The following CRPPA variants were observed in gnomAD, a reference collection of about 807,000 sequenced individuals.
CRPPA encodes D-ribitol-5-phosphate cytidylyltransferase.
In CRPPA, 43 loss-of-function variants were observed where a neutral mutation model predicts 52.0. That is an observed-to-expected ratio of 0.83 (90% CI 0.65 to 1.07). The LOEUF (loss-of-function observed/expected upper bound fraction) is 1.07, where lower values mean the gene tolerates loss of function less well. Ranked by LOEUF, CRPPA falls within the 50% of genes least tolerant of loss-of-function variation. The pLI is 0.00. For missense variants in CRPPA, 629 were observed against 551.7 expected (o/e 1.14, Z -1.40); for synonymous variants, 250 against 203.5 (o/e 1.23, Z -1.94).
intron 2 of CRPPA, among the ~76,000 whole-genome samples, chr7:16,383,369 G>A (rs1271814775): frequency 2.6e-5 from 4 of 152,230 alleles, no homozygotes; most frequent in African/African-American, 9.6e-5. Context: ...TCTCAGAGGA[G>A]TACCCGGCCG....
intron 4 of CRPPA, among the ~76,000 whole-genome samples, chr7:16,302,004 C>A (rs1784797465): frequency 6.6e-6 from 1 of 152,272 alleles, no homozygotes; most frequent in East Asian, 1.9e-4. Context: ...TAGGGTACCA[C>A]TATGTGTCTA....
chr7:16,265,002 A>G (rs752146666), intron 6 of CRPPA, among the ~76,000 whole-genome samples: 13 of 152,176 alleles, frequency 8.5e-5, no homozygotes, highest in Non-Finnish European at 1.6e-4. Flanking sequence ...TTATATGAGG[A>G]TTGGCTAAGC....
intron 1 of CRPPA, among the ~76,000 whole-genome samples, chr7:16,420,063 C>T (rs1444421539): frequency 6.6e-6 from 1 of 152,138 alleles, no homozygotes; most frequent in Admixed American, 6.6e-5. Context: ...GCTTTTGAAG[C>T]ATGTGTGAGG....
At chr7:16,261,886 T>C (rs1316388735) in intron 6 of CRPPA, 4 of 152,116 alleles carry the variant, frequency 2.6e-5, no homozygotes, top group Non-Finnish European at 4.4e-5. Context: ...TTTTCTTTTA[T>C]CTTTATTACC....
At chr7:16,401,842 T>A (rs1787823633) in intron 2 of CRPPA, among the ~76,000 whole-genome samples, 1 of 151,614 alleles carries the variant, frequency 6.6e-6, no homozygotes, top group Admixed American at 6.6e-5. Context: ...AGACTGGGTA[T>A]CTTGAAACAC....
At chr7:16,226,520 T>C (rs2128401642) in intron 8 of CRPPA, among the ~76,000 whole-genome samples, 1 of 152,018 alleles carries the variant, frequency 6.6e-6, no homozygotes, top group Admixed American at 6.6e-5. Flanking sequence ...AGTCTACAAG[T>C]GCACTGTACA....
At chr7:16,138,934 T>A (rs977112383) in intron 9 of CRPPA, among the ~76,000 whole-genome samples, 1 of 152,118 alleles carries the variant, frequency 6.6e-6, no homozygotes, top group African/African-American at 2.4e-5. Context: ...CCTGAGTAGC[T>A]GGGATTACAG....
At position 16,258,501 on chromosome 7, in the gene CRPPA, A is replaced by C; in HGVS notation, c.1027-19T>G. 6.7e-7 allele frequency: 1 copy of C among 1,489,926 alleles called. No individual in the cohort carries two copies. Among genetic ancestry groups the C allele is most frequent in the South Asian group, 1.2e-5 (1 of 82,676 alleles). The allele number at this position is 1,489,926 out of a possible 1,614,324, so 92.3% of individuals were successfully genotyped here. A position where few individuals can be genotyped will look rare whatever the true frequency, so the allele number is the denominator to read the frequency against. Reference sequence around the variant, plus strand: ...TTGTAACCTAAAAGACCAGAAAAATAAAAGGATATGAGAAGACGTTTTTAA... The same window carrying C: ...TTGTAACCTAAAAGACCAGAAAAATCAAAGGATATGAGAAGACGTTTTTAA... On this transcript the variant is annotated intron_variant, in intron 7 of 9. Transcript: ENST00000407010.
At chr7:16,280,082 A>G (rs1341716366) in intron 5 of CRPPA, among the ~76,000 whole-genome samples, 2 of 152,222 alleles carry the variant, frequency 1.3e-5, no homozygotes. Flanking sequence ...TCATGAGAAC[A>G]GCATGGGAAA....
At chr7:16,298,142 T>C (rs970654875) in intron 5 of CRPPA, among the ~76,000 whole-genome samples, 4 of 152,002 alleles carry the variant, frequency 2.6e-5, no homozygotes. Context: ...ATGGAGGGGG[T>C]AAACTCAGGT....
intron 8 of CRPPA, among the ~76,000 whole-genome samples, chr7:16,255,669 C>T (rs962411585): frequency 4.4e-4 from 67 of 152,190 alleles, no homozygotes; most frequent in Non-Finnish European, 4.1e-4. Flanking sequence ...CTTTCACAAA[C>T]CCGACAAAAA....
chr7:16,247,744 C>T (rs1283227063), intron 8 of CRPPA: 7 of 152,162 alleles, frequency 4.6e-5, no homozygotes, highest in South Asian at 4.2e-4. Flanking sequence ...AGTATGCCTA[C>T]GTTCAAGTAT....
At chr7:16,383,460 G>T (rs1787169767) in intron 2 of CRPPA, among the ~76,000 whole-genome samples, 1 of 152,200 alleles carries the variant, frequency 6.6e-6, no homozygotes, top group South Asian at 2.1e-4. Context: ...ACCCACTTGA[G>T]GAGGCAGTCT....
At chr7:16,191,878 T>A (rs1781621208) in intron 9 of CRPPA, among the ~76,000 whole-genome samples, 2 of 152,146 alleles carry the variant, frequency 1.3e-5, no homozygotes, top group Admixed American at 1.3e-4. Flanking sequence ...GTTTCTTTTG[T>A]ACTATTTTTA....
chr7:16,380,050 G>A (rs1787033965), intron 2 of CRPPA, among the ~76,000 whole-genome samples: 1 of 151,046 alleles, frequency 6.6e-6, no homozygotes, highest in Admixed American at 6.6e-5. Context: ...GTGAGAGAGG[G>A]CATCCCTGTC....
chr7:16,396,551 G>C (rs1787576566), intron 2 of CRPPA, among the ~76,000 whole-genome samples: 1 of 152,210 alleles, frequency 6.6e-6, no homozygotes, highest in Non-Finnish European at 1.5e-5. Context: ...ACTACCATTT[G>C]ATCCAGCAAT....
intron 6 of CRPPA, chr7:16,277,393 A>G (rs892040230): frequency 6.7e-6 from 1 of 149,968 alleles, no homozygotes; most frequent in East Asian, 1.9e-4. Context: ...AAAAAATTAC[A>G]CAGCTAAAAT....
At chr7:16,412,561 G>C (rs1220817143) in intron 1 of CRPPA, among the ~76,000 whole-genome samples, 3 of 152,170 alleles carry the variant, frequency 2.0e-5, no homozygotes, top group Non-Finnish European at 2.9e-5. Flanking sequence ...AGTACTGTTT[G>C]TATTTCTAAG....
At chr7:16,206,366 T>C (rs186306045) in intron 9 of CRPPA, among the ~76,000 whole-genome samples, 3 of 152,186 alleles carry the variant, frequency 2.0e-5, no homozygotes, top group Admixed American at 2.0e-4. Context: ...TAAACTTCCT[T>C]TACTTGCGTC....
Sources: gnomAD v4.1 joint callset for allele counts (sites outside exome capture counted in the v4.1 genomes callset) on GRCh38, gnomAD v4.1.1 for gene constraint, MANE v1.5 for transcripts, NCBI Gene and HGNC (gene_info 2026-07-23, HGNC 2026-07-21) for gene names.